Variants in WDR7 observed in about 807,000 individuals in gnomAD.
WDR7 encodes the protein WD repeat-containing protein 7.
Under a neutral mutation model 169.4 loss-of-function variants are expected in WDR7, and 46 were observed. The observed-to-expected ratio is 0.27, with a 90% CI of 0.21 to 0.35. The LOEUF is 0.35. Ranked by LOEUF, WDR7 falls within the 10% of genes least tolerant of loss-of-function variation. WDR7 has a pLI of 1.00. For missense variants in WDR7, 1,534 were observed against 1,859.3 expected (o/e 0.83, Z 3.22); for synonymous variants, 612 against 666.8 (o/e 0.92, Z 1.27).
In WDR7 at chr18:56,763,186, C is replaced by T. The variant is rs182361984; in HGVS notation, c.2848+4233C>T. ...GTGTTAGCCAGGATGGTCTTGAGCT[C>T]CTGACCTCGTGATCCTCCCACAGTG... is the stretch of plus-strand genomic sequence containing the variant. On this transcript the variant is annotated intron_variant, in intron 16 of 27. Coordinates refer to ENST00000254442, the MANE Select transcript of WDR7 (RefSeq NM_015285.3). Among the ~76,000 whole-genome samples the T allele has an allele frequency of 6.6e-4, 101 of 152,200 alleles. No individual in the cohort carries two copies. The Middle Eastern group carries it at 0.014, about 21-fold the overall frequency.
intron 25 of WDR7, among the ~76,000 whole-genome samples, chr18:56,946,832 G>A (rs2047110202): frequency 6.6e-6 from 1 of 152,030 alleles, no homozygotes. Context: ...GACATTTTTT[G>A]TATTAACTGA....
rs73446859 is a variant in WDR7, at chr18:57,027,260, G to C, written c.*53G>C. On this transcript the variant is annotated 3_prime_UTR_variant, in exon 28 of 28. Coordinates refer to ENST00000254442, the MANE Select transcript of WDR7 (RefSeq NM_015285.3). ...TTTAGTTCTCTAAATTATCCAAGCC[G>C]ATGTTGCTCTGTCCTTCCTCACACC... The C allele has an allele frequency of 6.5e-7, 1 of 1,545,522 alleles. No homozygotes were observed. The highest frequency in any genetic ancestry group is 1.2e-5 in the South Asian group (1 of 83,776).
At chr18:56,834,418 C>T (rs2045363913) in intron 20 of WDR7, among the ~76,000 whole-genome samples, 3 of 152,040 alleles carry the variant, frequency 2.0e-5, no homozygotes, top group Admixed American at 2.0e-4. Context: ...CACACCTATC[C>T]AGTTGTGGGG....
intron 20 of WDR7, among the ~76,000 whole-genome samples, chr18:56,865,525 A>G (rs535121218): frequency 6.6e-6 from 1 of 152,242 alleles, no homozygotes. Context: ...GACTTTTGAA[A>G]ATATTTGTAC....
chr18:56,938,808 A>AGTTT, intron 24 of WDR7, 126 bp downstream of exon 24: 3 of 660,564 alleles, frequency 4.5e-6, no homozygotes, highest in Non-Finnish European at 7.2e-6. Flanking sequence ...AGAAAGAATG[A>AGTTT]GTGTGTGTGT....
At position 56,658,111 on chromosome 18, in the gene WDR7, G is replaced by T. The variant is rs185956172; in HGVS notation, c.-20+6535G>T. Among the ~76,000 whole-genome samples the T allele has an allele frequency of 3.9e-3, 596 of 151,884 alleles. 2 individuals are homozygous for T. The highest frequency in any genetic ancestry group is 6.8e-3 in the Non-Finnish European group (461 of 67,920). The stretch of plus-strand genomic sequence containing the variant: ...ATATGTGACTTTGTTTTTTTGTTTT[G>T]TTTTGTTTTTGACACAGAATCTCGC... On this transcript the variant is annotated intron_variant, in intron 1 of 27. Transcript: ENST00000254442.
rs555403419 is a variant in WDR7 at position 56,726,491 on chromosome 18, C to T, written c.1775-4892C>T. The stretch of plus-strand genomic sequence containing the variant: ...AATATAAGAATGCCTGTGATTTTTG[C>T]ACATTGATTTTGTATCCTGAGACTT... On this transcript the variant is annotated intron_variant, in intron 13 of 27. Transcript: ENST00000254442. 2.6e-5 allele frequency among the ~76,000 whole-genome samples: 4 copies of T among 152,274 alleles called. No homozygotes were observed. In the East Asian group the frequency reaches 5.8e-4, roughly 22 times the overall value.
intron 20 of WDR7, among the ~76,000 whole-genome samples, chr18:56,818,461 CA>C (rs764012764): frequency 2.1e-4 from 32 of 152,264 alleles, no homozygotes; most frequent in Admixed American, 1.4e-3. Flanking sequence ...ACATATGTGA[CA>C]AATGGCTTTT....
At chr18:56,788,995 A>T (rs1052998619) in intron 19 of WDR7, among the ~76,000 whole-genome samples, 5 of 152,186 alleles carry the variant, frequency 3.3e-5, no homozygotes, top group Admixed American at 2.0e-4. Flanking sequence ...GCAGTGTTTC[A>T]TTGGGACCTG....
intron 14 of WDR7, among the ~76,000 whole-genome samples, chr18:56,746,734 G>A (rs1481195525): frequency 6.6e-6 from 1 of 152,166 alleles, no homozygotes; most frequent in Non-Finnish European, 1.5e-5. Context: ...GCAGGTAGAT[G>A]TATTTGTTTC....
intron 26 of WDR7, among the ~76,000 whole-genome samples, chr18:56,964,024 A>G (rs1371086672): frequency 6.6e-6 from 1 of 151,954 alleles, no homozygotes; most frequent in Non-Finnish European, 1.5e-5. Context: ...GTTACCACAT[A>G]AGACACAGCT....
chr18:56,885,140 G>T (rs937411074), intron 21 of WDR7, among the ~76,000 whole-genome samples: 1 of 152,172 alleles, frequency 6.6e-6, no homozygotes, highest in African/African-American at 2.4e-5. Context: ...CTGAACAGCA[G>T]CCTTGAGCCC....
downstream of WDR7, chr18:57,032,811 A>G (rs1460173991): frequency 3.0e-5 from 1 of 33,154 alleles, no homozygotes; most frequent in Non-Finnish European, 5.5e-5. Flanking sequence ...TTATATATAT[A>G]TATATATATA....
intron 18 of WDR7, among the ~76,000 whole-genome samples, chr18:56,780,244 C>A (rs1179803355): frequency 1.3e-5 from 2 of 151,972 alleles, no homozygotes; most frequent in African/African-American, 2.4e-5. Context: ...TATTACCAAG[C>A]ACTTGAAAAT....
chr18:56,792,765 AACACACACACAC>A (rs10551903), intron 19 of WDR7, among the ~76,000 whole-genome samples: 18 of 147,780 alleles, frequency 1.2e-4, no homozygotes, highest in South Asian at 4.3e-4. Flanking sequence ...TATTTTCTTT[AACACACACACAC>A]ACACACACAC....
chr18:56,977,903 T>C (rs1476663828), intron 26 of WDR7, among the ~76,000 whole-genome samples: 1 of 152,210 alleles, frequency 6.6e-6, no homozygotes, highest in Non-Finnish European at 1.5e-5. Context: ...ACTGTGTTGC[T>C]GTAATTTATG....
rs2046766465 is a variant in WDR7 at position 56,924,028 on chromosome 18, T to C, written c.3633T>C (p.Val1211=). Residue 1211 remains valine (V), a synonymous_variant, in exon 22 of 28, where the codon GTT becomes GTC. Coordinates refer to ENST00000254442, the MANE Select transcript of WDR7 (RefSeq NM_015285.3). ...AIDLIGRGFT[V]WEPYMDVSAV... ...ATCTGATTGGACGTGGGTTCACTGT[T>C]TGGGAGCCTTACATGGATGTGTCCG... 8.7e-6 allele frequency: 14 copies of C among 1,612,932 alleles called. No homozygotes were observed. The highest frequency in any genetic ancestry group is 1.0e-5 in the Non-Finnish European group (12 of 1,179,628).
rs1250733079 is a variant in WDR7 at position 56,686,973 on chromosome 18, G to C, written c.716G>C (p.Arg239Thr). 6.2e-7 allele frequency: 1 copy of C among 1,604,974 alleles called. No homozygotes were observed. The highest frequency in any genetic ancestry group is 2.2e-5 in the East Asian group (1 of 44,752). Reference protein sequence around the residue: ...SLLVVCSKYWRVFDAGDYSLL... With the variant: ...SLLVVCSKYWTVFDAGDYSLL... The stretch of plus-strand genomic sequence containing the variant: ...TTGGTTGTGTGTTCCAAATATTGGA[G>C]GGTAAGATAATTATATAAATAAGAA... The change falls in exon 7 of 28, where the codon AGG becomes ACG. Residue 239 changes from arginine to threonine, a missense_variant and splice_region_variant. Coordinates refer to ENST00000254442, the MANE Select transcript of WDR7 (RefSeq NM_015285.3).
intron 19 of WDR7, among the ~76,000 whole-genome samples, chr18:56,785,590 G>A (rs1311013219): frequency 1.3e-5 from 2 of 152,102 alleles, no homozygotes; most frequent in Non-Finnish European, 2.9e-5. Context: ...CTGGGCTGAT[G>A]GACTGTGATA....
Sources: allele counts gnomAD v4.1 joint callset (sites outside exome capture counted in the v4.1 genomes callset), GRCh38; gene constraint gnomAD v4.1.1; transcripts MANE v1.5; gene names NCBI Gene and HGNC (gene_info 2026-07-23, HGNC 2026-07-21).